The following STK32B variants were observed in gnomAD, a reference collection of about 807,000 sequenced individuals.
STK32B encodes the protein serine/threonine-protein kinase 32B.
Under a neutral mutation model 52.6 loss-of-function variants are expected in STK32B, and 43 were observed. The ratio of observed to expected loss-of-function variants is 0.82; its 90% confidence interval spans 0.64 to 1.05. The LOEUF (loss-of-function observed/expected upper bound fraction) is 1.05. Among genes scored for constraint, STK32B ranks in the 50% least tolerant of loss-of-function variants. The pLI, the probability that STK32B is intolerant of heterozygous loss-of-function variation, is 0.00. For missense variants in STK32B, 621 were observed against 534.6 expected, an observed-to-expected ratio of 1.16 and a Z score of -1.59; for synonymous variants, 238 against 204.3, an observed-to-expected ratio of 1.17 and a Z score of -1.41.
chr4:5,331,221 T>C lies in STK32B; in HGVS notation c.262T>C (p.Tyr88His), dbSNP rs1732223889. The C allele has an allele frequency of 6.2e-7, 1 of 1,611,526 alleles. No individual in the cohort carries two copies. The highest frequency in any genetic ancestry group is 1.1e-5 in the South Asian group (1 of 90,512). The change falls in exon 4 of 12, where the codon TAC (tyrosine) becomes CAC (histidine). Residue 88 changes from tyrosine to histidine, a missense_variant and splice_region_variant. Coordinates refer to ENST00000282908, the MANE Select transcript of STK32B (RefSeq NM_018401.3). ...LEHPFLVNLW[Y>H]SFQDEEDMFM... is the part of the protein sequence containing the mutation. ...TTCTCTGTCCTTCTGTGCTCCTAGG[T>C]ACTCCTTCCAGGATGAGGAGGACAT...
Position 5,238,216 on chromosome 4 carries a change from C to T in STK32B, c.260+69766C>T, listed in dbSNP as rs72613186. 3.4e-3 allele frequency among the ~76,000 whole-genome samples: 525 copies of T among 152,250 alleles called. 12 individuals are homozygous for T. The East Asian group carries it at 0.075, about 22-fold the overall frequency. Reference sequence around the variant, plus strand: ...GTCTAAAACCACGGTGTCAGCAGAGCTGTGCTTTCTCTGAAATCTGTGGGA... The same window carrying T: ...GTCTAAAACCACGGTGTCAGCAGAGTTGTGCTTTCTCTGAAATCTGTGGGA... On this transcript the variant is annotated intron_variant, in intron 3 of 11. Coordinates refer to ENST00000282908, the MANE Select transcript of STK32B (RefSeq NM_018401.3).
chr4:5,432,688 C>G (rs1220633154), intron 6 of STK32B, among the ~76,000 whole-genome samples: 2 of 152,104 alleles, frequency 1.3e-5, no homozygotes, highest in Admixed American at 1.3e-4. Context: ...ATGATGGTGC[C>G]TGGGGCCTGT....
the STK32B span, among the ~76,000 whole-genome samples, chr4:5,033,193 G>A: frequency 1.3e-5 from 2 of 152,190 alleles, no homozygotes; most frequent in African/African-American, 4.8e-5. Flanking sequence ...GAACGCTGGC[G>A]GAATGAGGGA....
chr4:5,246,383 C>T (rs1012770813), intron 3 of STK32B, among the ~76,000 whole-genome samples: 2 of 152,190 alleles, frequency 1.3e-5, no homozygotes, highest in African/African-American at 4.8e-5. Context: ...GAGGCTTGAG[C>T]ATTTGTCACG....
chr4:5,463,859 C>T lies in STK32B; in HGVS notation c.910-2844C>T, dbSNP rs1410764071. Among the ~76,000 whole-genome samples, 6 of 152,210 alleles carry T rather than the reference C, an allele frequency of 3.9e-5. 1 individual carries two copies. Among genetic ancestry groups the T allele is most frequent in the Non-Finnish European group, 8.8e-5 (6 of 68,044 alleles). ...CCTTCAAGACAGCATAAAGCAAGGA[C>T]TGGCCCAGTTGCCAGTCTCAGCAGA... On this transcript the variant is annotated intron_variant, in intron 9 of 11. Transcript: ENST00000282908.
At chr4:5,150,574 A>T (rs1006186454) in intron 2 of STK32B, among the ~76,000 whole-genome samples, 7 of 150,358 alleles carry the variant, frequency 4.7e-5, no homozygotes, top group Non-Finnish European at 7.4e-5. Flanking sequence ...ATCTCAGTCC[A>T]TTTTTTTTTT....
At chr4:5,461,725 G>T (rs1212355641) in intron 9 of STK32B, among the ~76,000 whole-genome samples, 1 of 152,202 alleles carries the variant, frequency 6.6e-6, no homozygotes, top group South Asian at 2.1e-4. Flanking sequence ...CTCCAGACAG[G>T]CTATGGAATG....
At chr4:5,078,335 T>G (rs924544834) in intron 1 of STK32B, among the ~76,000 whole-genome samples, 2 of 152,014 alleles carry the variant, frequency 1.3e-5, no homozygotes, top group African/African-American at 2.4e-5. Flanking sequence ...AGGAAGAAAT[T>G]AGAATGGCTT....
rs114294181 is a variant in STK32B, at chr4:5,163,279, G to A, written c.109-5020G>A. On this transcript the variant is annotated intron_variant, in intron 2 of 11. Transcript: ENST00000282908. ...CAGGAACTGAGTTGGCAAGGCCTCT[G>A]TCTGCAGGGTGCTTGGAGTCTGACT... Among the ~76,000 whole-genome samples, 719 of 152,326 alleles carry A rather than the reference G, an allele frequency of 4.7e-3. 6 individuals carry two copies. Among genetic ancestry groups the A allele is most frequent in the Middle Eastern group, 0.027 (8 of 294 alleles).
At chr4:5,146,048 G>T (rs1716885016) in intron 2 of STK32B, among the ~76,000 whole-genome samples, 1 of 132,984 alleles carries the variant, frequency 7.5e-6, no homozygotes, top group Admixed American at 8.4e-5. Flanking sequence ...GTAGGGTCAA[G>T]TTGTTTTTTT....
At chr4:5,283,391 AAGAAAG>A (rs1728335901) in intron 3 of STK32B, among the ~76,000 whole-genome samples, 1 of 152,290 alleles carries the variant, frequency 6.6e-6, no homozygotes, top group South Asian at 2.1e-4. Flanking sequence ...CCTGAAAGAG[AAGAAAG>A]AGAAAAAGTC....
rs143417838 is a variant in STK32B, at chr4:5,260,981, G to A, written c.261-70239G>A. ...TGAGGTGAGAGGGCCAGGCCTTTAT[G>A]CACCCATGTCAATCAGCCAATCACT... is the stretch of plus-strand genomic sequence containing the variant. On this transcript the variant is annotated intron_variant, in intron 3 of 11. Coordinates refer to ENST00000282908, the MANE Select transcript of STK32B (RefSeq NM_018401.3). Among the ~76,000 whole-genome samples the A allele has an allele frequency of 2.0e-3, 303 of 152,218 alleles. 3 individuals carry two copies. The highest frequency in any genetic ancestry group is 7.1e-3 in the African/African-American group (293 of 41,538).
chr4:5,099,812 C>G (rs1295084191), intron 1 of STK32B, among the ~76,000 whole-genome samples: 2 of 152,190 alleles, frequency 1.3e-5, no homozygotes, highest in East Asian at 3.9e-4. Flanking sequence ...TGCGCCCATT[C>G]TGCTCATGAG....
rs76903967 is a variant in STK32B at position 5,160,263 on chromosome 4, T to C, written c.109-8036T>C. Among the ~76,000 whole-genome samples the C allele has an allele frequency of 2.5e-3, 376 of 152,246 alleles. 9 individuals are homozygous for C. In the East Asian group the frequency reaches 0.056, roughly 23 times the overall value. On this transcript the variant is annotated intron_variant, in intron 2 of 11. Coordinates refer to ENST00000282908, the MANE Select transcript of STK32B (RefSeq NM_018401.3). ...CCTTCAGAAGAGAGATGGATGCTGATCACACAACCATAATGAACCGCATAC... is the reference window on the plus strand; with the variant it reads ...CCTTCAGAAGAGAGATGGATGCTGACCACACAACCATAATGAACCGCATAC...
the STK32B span, among the ~76,000 whole-genome samples, chr4:5,022,303 A>G: frequency 7.2e-4 from 109 of 152,222 alleles, no homozygotes; most frequent in African/African-American, 2.4e-3. Flanking sequence ...GGCTGAATGG[A>G]CTTGGTGACT....
chr4:5,106,870 T>G (rs1714136683), intron 1 of STK32B, among the ~76,000 whole-genome samples: 1 of 152,230 alleles, frequency 6.6e-6, no homozygotes. Flanking sequence ...AATGTCCTGT[T>G]GAATCAAAAT....
intron 4 of STK32B, among the ~76,000 whole-genome samples, chr4:5,358,701 G>GCGCACACACA (rs151338728): frequency 2.2e-4 from 23 of 106,810 alleles, no homozygotes; most frequent in South Asian, 1.7e-3. Context: ...TCACACACAT[G>GCGCACACACA]CACACACACA....
At chr4:5,150,451 G>T (rs546785509) in intron 2 of STK32B, among the ~76,000 whole-genome samples, 4 of 152,070 alleles carry the variant, frequency 2.6e-5, no homozygotes, top group African/African-American at 9.7e-5. Flanking sequence ...CATTGTGGGT[G>T]TTATTTTGTA....
At chr4:5,114,357 G>A (rs1315090740) in intron 1 of STK32B, among the ~76,000 whole-genome samples, 1 of 151,934 alleles carries the variant, frequency 6.6e-6, no homozygotes, top group Non-Finnish European at 1.5e-5. Flanking sequence ...GGACCCAGAT[G>A]TATTTCCTCC....
Sources: gnomAD v4.1 joint callset for allele counts (sites outside exome capture counted in the v4.1 genomes callset) on GRCh38, gnomAD v4.1.1 for gene constraint, MANE v1.5 for transcripts, NCBI Gene and HGNC (gene_info 2026-07-23, HGNC 2026-07-21) for gene names.